The following FSIP2 variants were observed in gnomAD, a reference collection of about 807,000 sequenced individuals.
The protein encoded by FSIP2 is fibrous sheath interacting protein 2.
A neutral mutation model predicts 510.5 loss-of-function variants in FSIP2; 367 were observed. The ratio of observed to expected loss-of-function variants is 0.72; its 90% confidence interval spans 0.66 to 0.78. FSIP2 has a LOEUF of 0.78. Among genes scored for constraint, FSIP2 ranks in the 30% least tolerant of loss-of-function variants. The pLI, the probability that FSIP2 is intolerant of heterozygous loss-of-function variation, is 0.00. For synonymous variants in FSIP2, 2,601 were observed against 2,732.2 expected, an observed-to-expected ratio of 0.95 and a Z score of 1.50; for missense variants, 7,594 against 7,901.7, an observed-to-expected ratio of 0.96 and a Z score of 1.48.
In FSIP2 at chr2:185,788,630, ACCT is replaced by A. The variant is rs1358979899; in HGVS notation, c.1507-9_1507-7del. 1 of 1,468,968 alleles carries A rather than the reference ACCT, an allele frequency of 6.8e-7. No homozygotes were observed. The highest frequency in any genetic ancestry group is 1.4e-5 in the African/African-American group (1 of 70,364). 91.0% of individuals were successfully genotyped at this position (1,468,968 alleles called of 1,614,324 possible). A position where few individuals can be genotyped will look rare whatever the true frequency, so the allele number is the denominator to read the frequency against. On this transcript the variant is annotated splice_polypyrimidine_tract_variant and intron_variant, in intron 15 of 22. Transcript: ENST00000424728. ...CATGACTTTATTTTCATCTCTGCTT[ACCT>A]CCTTTCCAGGTAACTTCTGAAGAAC...
In FSIP2 at chr2:185,776,469, A is replaced by G. The variant is rs184324795; in HGVS notation, c.1412-6236A>G. ...GGTTACCTGGGTGTATATTTCTTCT[A>G]TTTCTAATTTTGATAACATTATTTA... On this transcript the variant is annotated intron_variant, in intron 13 of 22. Transcript: ENST00000424728. Among the ~76,000 whole-genome samples the G allele has an allele frequency of 3.4e-3, 513 of 152,014 alleles. 4 individuals carry two copies. The highest frequency in any genetic ancestry group is 5.8e-3 in the Non-Finnish European group (396 of 67,954).
At chr2:185,813,130 T>A (rs1482189931) in intron 17 of FSIP2, among the ~76,000 whole-genome samples, 1 of 152,060 alleles carries the variant, frequency 6.6e-6, no homozygotes. Context: ...AAAATCAAGA[T>A]CAGTGAATAT....
chr2:185,824,944 T>C (rs1693989992), intron 20 of FSIP2, among the ~76,000 whole-genome samples: 1 of 151,840 alleles, frequency 6.6e-6, no homozygotes, highest in Non-Finnish European at 1.5e-5. Context: ...CAATCTCTAA[T>C]AGTCCTGGCT....
chr2:185,751,611 T>C (rs1692150008), intron 7 of FSIP2, among the ~76,000 whole-genome samples: 1 of 151,330 alleles, frequency 6.6e-6, no homozygotes, highest in Non-Finnish European at 1.5e-5. Context: ...ATTAGTTTTA[T>C]GTGTGTCATC....
chr2:185,800,870 T>A lies in FSIP2; in HGVS notation c.11564T>A (p.Leu3855Ter). The A allele has an allele frequency of 6.5e-7, 1 of 1,534,256 alleles. No individual in the cohort carries two copies. The highest frequency in any genetic ancestry group is 8.7e-7 in the Non-Finnish European group (1 of 1,145,640). Residue 3855 changes from leucine to a stop codon, truncating the protein, a stop_gained, in exon 17 of 23, where the codon TTA becomes TAA. Coordinates refer to ENST00000424728, the MANE Select transcript of FSIP2 (RefSeq NM_173651.4). LOFTEE classifies it high-confidence loss of function. ...TTGGTTAAATCATTGATGGACAAAT[T>A]ATCTCACAGCATACAACAAGCTCCG... ...HSLVKSLMDK[L>*]SHSIQQAPES...
chr2:185,752,640 C>T (rs1293394255), intron 7 of FSIP2, among the ~76,000 whole-genome samples: 2 of 151,282 alleles, frequency 1.3e-5, no homozygotes, highest in African/African-American at 4.8e-5. Context: ...TGGTATTGCT[C>T]ATCTCACATA....
chr2:185,744,905 G>A (rs1487952257), intron 4 of FSIP2: 1 of 152,656 alleles, frequency 6.6e-6, no homozygotes, highest in East Asian at 1.9e-4. Context: ...GAAGTAGAAT[G>A]ATTGGGTGTA....
chr2:185,817,686 G>C (rs1481165396), intron 19 of FSIP2, among the ~76,000 whole-genome samples: 1 of 151,852 alleles, frequency 6.6e-6, no homozygotes, highest in East Asian at 1.9e-4. Flanking sequence ...AGATTACTAA[G>C]CATACAAAAA....
rs749225827 is a variant in FSIP2 at position 185,800,294 on chromosome 2, A to C, written c.10988A>C (p.Gln3663Pro). ...SPRDWQFSTQ[Q>P]IGQLFQKNKL... is the part of the protein sequence containing the mutation. ...AGAGACTGGCAATTTTCTACTCAAC[A>C]AATTGGTCAACTTTTTCAAAAAAAT... The change falls in exon 17 of 23, where the codon CAA (glutamine) becomes CCA (proline). Residue 3663 changes from glutamine (Q) to proline (P), a missense_variant. Physicochemically the swap from Gln to Pro is moderately conservative, Grantham distance 76 (BLOSUM62 -1). Transcript: ENST00000424728. The C allele has an allele frequency of 1.5e-5, 23 of 1,533,962 alleles. No individual in the cohort carries two copies. Among genetic ancestry groups the C allele is most frequent in the Non-Finnish European group, 2.0e-5 (23 of 1,145,644 alleles).
At position 185,808,815 on chromosome 2, in the gene FSIP2, A is replaced by G. The variant is rs753240707; in HGVS notation, c.19509A>G (p.Leu6503=). The change falls in exon 17 of 23, where the codon TTA becomes TTG. Residue 6503 remains leucine (L), a synonymous_variant. Transcript: ENST00000424728. ...QEHAFNVIPE[L]EQEKLDQNLS... is the part of the protein sequence containing the mutation. ...ATGCTTTTAATGTGATTCCTGAATT[A>G]GAGCAAGAAAAGTTAGATCAAAATT... The G allele has an allele frequency of 3.7e-6, 6 of 1,612,718 alleles. No individual in the cohort carries two copies. Among genetic ancestry groups the G allele is most frequent in the African/African-American group, 1.3e-5 (1 of 74,864 alleles).
chr2:185,782,776 G>GT lies in FSIP2; in HGVS notation c.1469+14_1469+15insT. 7.7e-7 allele frequency: 1 copy of GT among 1,302,058 alleles called. No homozygotes were observed. Among genetic ancestry groups the GT allele is most frequent in the Non-Finnish European group, 1.1e-6 (1 of 933,948 alleles). 80.7% of individuals were successfully genotyped at this position (1,302,058 alleles called of 1,614,324 possible). ...TTACACAAATATGTAAGTACCTAAG[G>GT]AATTATATATAATCATAACTAATTT... On this transcript the variant is annotated intron_variant, in intron 14 of 22. Coordinates refer to ENST00000424728, the MANE Select transcript of FSIP2 (RefSeq NM_173651.4).
chr2:185,738,767 A>T, upstream of FSIP2: 11 of 1,535,964 alleles, frequency 7.2e-6, no homozygotes, highest in Non-Finnish European at 8.7e-6. Context: ...GAAGCCTGGA[A>T]CGCGGGGGGC....
At chr2:185,767,259 G>C (rs1233588678) in intron 13 of FSIP2, among the ~76,000 whole-genome samples, 1 of 149,300 alleles carries the variant, frequency 6.7e-6, no homozygotes, top group East Asian at 2.0e-4. Context: ...CATGGCACAT[G>C]TATACATATG....
intron 13 of FSIP2, 124 bp downstream of exon 13, chr2:185,764,689 C>T (rs1692427669): frequency 2.9e-6 from 2 of 684,574 alleles, no homozygotes; most frequent in Non-Finnish European, 4.9e-6. Context: ...GGAAAAATGG[C>T]ACAATTTTTG....
upstream of FSIP2, chr2:185,738,715 G>GC (rs1691839461): frequency 3.9e-6 from 6 of 1,535,912 alleles, no homozygotes; most frequent in Non-Finnish European, 4.4e-6. Context: ...GGCGCGAGCC[G>GC]CCCCTCAGGA....
Position 185,772,124 on chromosome 2 carries a change from C to T in FSIP2, c.1411+7559C>T, listed in dbSNP as rs12328728. Among the ~76,000 whole-genome samples the T allele has an allele frequency of 7.0e-3, 1,069 of 152,264 alleles. 14 individuals are homozygous for T. Among genetic ancestry groups the T allele is most frequent in the African/African-American group, 0.024 (991 of 41,560 alleles). ...TCATTTCCATCTGAAATCTTATCAG[C>T]CTGGACTTTGCTGTCTATATTTCTA... On this transcript the variant is annotated intron_variant, in intron 13 of 22. Transcript: ENST00000424728.
intron 7 of FSIP2, among the ~76,000 whole-genome samples, chr2:185,752,043 A>G (rs1692158990): frequency 6.6e-6 from 1 of 150,754 alleles, no homozygotes; most frequent in Admixed American, 6.7e-5. Flanking sequence ...CTTTTTTTGT[A>G]TACCCATATT....
intron 13 of FSIP2, among the ~76,000 whole-genome samples, chr2:185,773,191 G>A (rs1457157939): frequency 2.0e-5 from 3 of 152,050 alleles, no homozygotes; most frequent in African/African-American, 7.2e-5. Context: ...CCAGTTTAGT[G>A]GTGATGAACT....
At position 185,790,382 on chromosome 2, in the gene FSIP2, G is replaced by GA. The variant is rs1559025750; in HGVS notation, c.3252dup (p.Leu1085ThrfsTer5). On this transcript the variant is annotated frameshift_variant, in exon 16 of 23. Transcript: ENST00000424728. LOFTEE classifies it high-confidence loss of function. ...CTACTAATCATGAAGATATTTTAAA[G>GA]AAAAAACTTTCTTCGAATAAAGACA... The GA allele has an allele frequency of 6.5e-7, 1 of 1,526,948 alleles. No individual in the cohort carries two copies. Among genetic ancestry groups the GA allele is most frequent in the South Asian group, 1.2e-5 (1 of 82,034 alleles). 94.6% of individuals were successfully genotyped at this position (1,526,948 alleles called of 1,614,324 possible).
Sources: allele counts gnomAD v4.1 joint callset (sites outside exome capture counted in the v4.1 genomes callset), GRCh38; gene constraint gnomAD v4.1.1; transcripts MANE v1.5; gene names NCBI Gene and HGNC (gene_info 2026-07-23, HGNC 2026-07-21).